PIP5K1B: variants seen among roughly 807,000 people sequenced by gnomAD.
PIP5K1B encodes the protein phosphatidylinositol-4-phosphate 5-kinase type 1 beta, also known as phosphatidylinositol 4-phosphate 5-kinase type-1 beta.
PIP5K1B carries 42 observed loss-of-function variants against 67.0 expected under a neutral mutation model. The ratio of observed to expected loss-of-function variants is 0.63; its 90% CI spans 0.49 to 0.81. The LOEUF (loss-of-function observed/expected upper bound fraction) is 0.81, where lower values mean the gene tolerates loss of function less well. Ranked by LOEUF, PIP5K1B falls within the 30% of genes least tolerant of loss-of-function variation. The pLI, the probability that PIP5K1B is intolerant of heterozygous loss-of-function variation, is 0.00. For missense variants in PIP5K1B, 459 were observed against 646.3 expected (o/e 0.71, Z 3.14); for synonymous variants, 214 against 231.4 (o/e 0.92, Z 0.68).
chr9:68,922,638 C>T (rs1445157561), intron 11 of PIP5K1B, among the ~76,000 whole-genome samples: 2 of 152,090 alleles, frequency 1.3e-5, no homozygotes, highest in Non-Finnish European at 2.9e-5. Flanking sequence ...TCATCTATCC[C>T]CTTTCCTGGA....
chr9:68,989,956 T>C (rs2132948577), intron 14 of PIP5K1B, among the ~76,000 whole-genome samples: 1 of 151,856 alleles, frequency 6.6e-6, no homozygotes, highest in East Asian at 1.9e-4. Flanking sequence ...CTCCACAGCC[T>C]GGGCAAGAGA....
intron 2 of PIP5K1B, among the ~76,000 whole-genome samples, chr9:68,802,622 G>A (rs1227707086): frequency 6.6e-6 from 1 of 152,232 alleles, no homozygotes; most frequent in East Asian, 1.9e-4. Flanking sequence ...AGGGGTAGGA[G>A]AGGATTCATA....
chr9:68,925,795 A>ATTTTTTTTTTTTCTTT (rs374081605), intron 12 of PIP5K1B, among the ~76,000 whole-genome samples: 1 of 73,296 alleles, frequency 1.4e-5, no homozygotes, highest in Non-Finnish European at 2.3e-5. Flanking sequence ...TGTGGTTCCA[A>ATTTTTTTTTTTTCTTT]TTTTTTTTTT....
intron 6 of PIP5K1B, among the ~76,000 whole-genome samples, chr9:68,880,444 A>G (rs560665552): frequency 6.6e-6 from 1 of 152,220 alleles, no homozygotes. Flanking sequence ...AGTCCCAGCT[A>G]CTTGGTAGGC....
At position 68,725,530 on chromosome 9, in the gene PIP5K1B, G is replaced by A. The variant is rs534764870; in HGVS notation, c.-242-16971G>A. 1.4e-4 allele frequency among the ~76,000 whole-genome samples: 21 copies of A among 152,216 alleles called. No individual in the cohort carries two copies. The South Asian group carries it at 2.7e-3, about 20-fold the overall frequency. On this transcript the variant is annotated intron_variant, in intron 1 of 15. Coordinates refer to ENST00000265382, the MANE Select transcript of PIP5K1B (RefSeq NM_003558.4). ...CAGGGTAGCCACCATTATAGCCCACGAGTAAGCAAATATGAGCCAAGAGGT... is the reference window on the plus strand; with the variant it reads ...CAGGGTAGCCACCATTATAGCCCACAAGTAAGCAAATATGAGCCAAGAGGT...
intron 14 of PIP5K1B, among the ~76,000 whole-genome samples, chr9:68,946,728 C>T (rs898570594): frequency 2.6e-5 from 4 of 152,112 alleles, no homozygotes; most frequent in African/African-American, 7.2e-5. Flanking sequence ...CTGACTCCTG[C>T]CTTGCAAACA....
At chr9:68,912,454 A>C (rs775100880) in intron 8 of PIP5K1B, among the ~76,000 whole-genome samples, 1 of 152,128 alleles carries the variant, frequency 6.6e-6, no homozygotes, top group Non-Finnish European at 1.5e-5. Flanking sequence ...GGGAGAGGGG[A>C]GATTCAAGGT....
At chr9:68,727,792 T>G (rs1319340686) in intron 1 of PIP5K1B, 1 of 152,178 alleles carries the variant, frequency 6.6e-6, no homozygotes, top group Admixed American at 6.5e-5. Context: ...CCTACAAAAC[T>G]GCAGTGTGTC....
At chr9:68,749,703 C>T (rs1251442376) in intron 2 of PIP5K1B, among the ~76,000 whole-genome samples, 8 of 152,148 alleles carry the variant, frequency 5.3e-5, no homozygotes, top group East Asian at 3.8e-4. Context: ...TTCTCAACCT[C>T]GGCACTAATG....
chr9:68,712,000 C>T (rs1247562988), intron 1 of PIP5K1B, among the ~76,000 whole-genome samples: 1 of 152,174 alleles, frequency 6.6e-6, no homozygotes, highest in Non-Finnish European at 1.5e-5. Flanking sequence ...CACAGGGATA[C>T]TGATACAGTT....
chr9:68,768,503 G>A (rs749537257), intron 2 of PIP5K1B, among the ~76,000 whole-genome samples: 2 of 152,206 alleles, frequency 1.3e-5, no homozygotes, highest in Non-Finnish European at 2.9e-5. Flanking sequence ...TCCTGGGGAA[G>A]GAAGGCATAG....
chr9:68,833,074 T>A lies in PIP5K1B; in HGVS notation c.69+10391T>A, dbSNP rs76647145. Among the ~76,000 whole-genome samples the A allele has an allele frequency of 1.1e-3, 166 of 152,280 alleles. 1 individual carries two copies. In the East Asian group the frequency reaches 0.031, roughly 28 times the overall value. The stretch of plus-strand genomic sequence containing the variant: ...TGGCATGGTGCTAGGCCTTAAGGGG[T>A]GGAACAGAGGCCAAGACAGACATAG... On this transcript the variant is annotated intron_variant, in intron 4 of 15. Coordinates refer to ENST00000265382, the MANE Select transcript of PIP5K1B (RefSeq NM_003558.4).
In PIP5K1B at chr9:68,852,336, C is replaced by T. The variant is rs559781445; in HGVS notation, c.70-11501C>T. Among the ~76,000 whole-genome samples, 5 of 151,948 alleles carry T rather than the reference C, an allele frequency of 3.3e-5. No individual in the cohort carries two copies. The South Asian group carries it at 6.2e-4, about 19-fold the overall frequency. ...TTGAGGCAAAATGTACCTTGTTACC[C>T]GCCTCCCCCACACCGCCCCCCAAGC... is the stretch of plus-strand genomic sequence containing the variant. On this transcript the variant is annotated intron_variant, in intron 4 of 15. Coordinates refer to ENST00000265382, the MANE Select transcript of PIP5K1B (RefSeq NM_003558.4).
intron 1 of PIP5K1B, among the ~76,000 whole-genome samples, chr9:68,721,516 C>T (rs775393340): frequency 6.6e-6 from 1 of 152,060 alleles, no homozygotes; most frequent in Non-Finnish European, 1.5e-5. Context: ...AGGCATCGTA[C>T]ATATGGTAGC....
At chr9:68,969,766 A>G (rs1360398020) in intron 14 of PIP5K1B, among the ~76,000 whole-genome samples, 1 of 152,202 alleles carries the variant, frequency 6.6e-6, no homozygotes, top group Non-Finnish European at 1.5e-5. Context: ...CTCATAAGTA[A>G]ACAAACTTCA....
At chr9:68,826,554 C>T (rs1365021675) in intron 4 of PIP5K1B, among the ~76,000 whole-genome samples, 1 of 152,096 alleles carries the variant, frequency 6.6e-6, no homozygotes, top group African/African-American at 2.4e-5. Context: ...AGGCAGTGGC[C>T]AGTTTACAAC....
intron 2 of PIP5K1B, among the ~76,000 whole-genome samples, chr9:68,752,743 T>G (rs1829697542): frequency 6.6e-6 from 1 of 152,200 alleles, no homozygotes; most frequent in South Asian, 2.1e-4. Flanking sequence ...GTGCTTATTT[T>G]CAATGGAATG....
At chr9:68,889,776 A>T (rs1269104002) in intron 7 of PIP5K1B, among the ~76,000 whole-genome samples, 1 of 151,718 alleles carries the variant, frequency 6.6e-6, no homozygotes, top group African/African-American at 2.4e-5. Context: ...CTTATCTTAC[A>T]TAGTTGTTGT....
chr9:68,922,508 A>G, intron 11 of PIP5K1B, among the ~76,000 whole-genome samples: 1 of 151,844 alleles, frequency 6.6e-6, no homozygotes. Flanking sequence ...TGAATTCAAA[A>G]TGAAGCATTA....
Sources: allele counts gnomAD v4.1 joint callset (sites outside exome capture counted in the v4.1 genomes callset), GRCh38; gene constraint gnomAD v4.1.1; transcripts MANE v1.5; gene names NCBI Gene and HGNC (gene_info 2026-07-23, HGNC 2026-07-21).